Variants in ANKRD36C observed in about 807,000 individuals in gnomAD.
ANKRD36C encodes ankyrin repeat domain 36C, also known as ankyrin repeat domain-containing protein 36C.
Under a neutral mutation model 276.4 loss-of-function variants are expected in ANKRD36C, and 61 were observed. The ratio of observed to expected loss-of-function variants is 0.22; its 90% CI spans 0.18 to 0.27. ANKRD36C has a LOEUF of 0.27. Ranked by LOEUF, ANKRD36C falls within the 10% of genes least tolerant of loss-of-function variation. The pLI, the probability that ANKRD36C is intolerant of heterozygous loss-of-function variation, is 1.00. For missense variants in ANKRD36C, 1,447 were observed against 2,032.3 expected (o/e 0.71, Z 5.54); for synonymous variants, 483 against 680.1 (o/e 0.71, Z 4.51).
intron 8 of ANKRD36C, among the ~76,000 whole-genome samples, chr2:95,962,069 A>G (rs1453247342): frequency 6.6e-6 from 1 of 152,046 alleles, no homozygotes; most frequent in South Asian, 2.1e-4. Flanking sequence ...AACATGCTGT[A>G]GAATTAAAGT....
At chr2:95,982,319 A>C (rs776307696) in exon 4 of ANKRD36C, 1 of 1,550,626 alleles carries the variant, frequency 6.4e-7, no homozygotes, top group South Asian at 1.2e-5. Context: ...CACCATTTTC[A>C]CTTTTCTTTG....
chr2:95,902,217 T>C (rs1399237452), intron 42 of ANKRD36C, among the ~76,000 whole-genome samples: 1 of 149,578 alleles, frequency 6.7e-6, no homozygotes, highest in South Asian at 2.1e-4. Flanking sequence ...TGATGCCTCC[T>C]AGTAACCAAG....
chr2:95,991,709 A>G (rs754656401), exon 1 of ANKRD36C: 3 of 1,612,440 alleles, frequency 1.9e-6, no homozygotes, highest in Admixed American at 3.3e-5. Flanking sequence ...TGTCATCCAT[A>G]ATGGTCGGCT....
At chr2:95,924,469 T>C (rs966482768) in intron 30 of ANKRD36C, among the ~76,000 whole-genome samples, 13 of 151,644 alleles carry the variant, frequency 8.6e-5, no homozygotes, top group African/African-American at 3.1e-4. Flanking sequence ...CCAATATTCA[T>C]TGAAAATAAC....
chr2:95,850,716 C>T (rs199836867), downstream of ANKRD36C, among the ~76,000 whole-genome samples: 26 of 152,354 alleles, frequency 1.7e-4, no homozygotes, highest in East Asian at 4.6e-3. Context: ...AAGTCAATGA[C>T]TAGAGATTTA....
At chr2:95,896,465 T>C (rs959719746) in intron 44 of ANKRD36C, among the ~76,000 whole-genome samples, 10 of 149,858 alleles carry the variant, frequency 6.7e-5, no homozygotes, top group Admixed American at 6.0e-4. Context: ...TATCGTGTTA[T>C]TCTCTAAAGA....
intron 12 of ANKRD36C, among the ~76,000 whole-genome samples, chr2:95,957,915 C>T (rs1483476666): frequency 1.3e-5 from 2 of 151,708 alleles, no homozygotes; most frequent in Admixed American, 6.6e-5. Context: ...ACCTCTGATG[C>T]CCAGTAATAA....
At chr2:95,989,621 A>C (rs1300426889) in intron 1 of ANKRD36C, among the ~76,000 whole-genome samples, 1 of 152,104 alleles carries the variant, frequency 6.6e-6, no homozygotes, top group Non-Finnish European at 1.5e-5. Context: ...AGTGCTGAGA[A>C]AAACAAATTG....
chr2:95,916,698 C>A (rs943753601), intron 36 of ANKRD36C, among the ~76,000 whole-genome samples: 5 of 151,634 alleles, frequency 3.3e-5, no homozygotes, highest in Non-Finnish European at 7.4e-5. Flanking sequence ...AAATTGATCA[C>A]CTTGGATATC....
chr2:95,931,033 T>A (rs1017136093), intron 24 of ANKRD36C, among the ~76,000 whole-genome samples: 1 of 151,672 alleles, frequency 6.6e-6, no homozygotes, highest in Non-Finnish European at 1.5e-5. Context: ...CCTGCCCAAT[T>A]TGACATACAT....
At position 95,910,581 on chromosome 2, in the gene ANKRD36C, A is replaced by C. The variant is rs1405700640; in HGVS notation, c.2653+1663T>G. The C allele has an allele frequency of 6.2e-7, 1 of 1,605,168 alleles. No individual in the cohort carries two copies. The highest frequency in any genetic ancestry group is 1.3e-5 in the African/African-American group (1 of 74,538). On this transcript the variant is annotated intron_variant, in intron 42 of 66. Transcript: ENST00000456556. The stretch of plus-strand genomic sequence containing the variant: ...TTCTGAGAAGACACTGAAAAGCAAA[A>C]GGGATTCATAATCACTCATATGTAA...
intron 44 of ANKRD36C, among the ~76,000 whole-genome samples, chr2:95,897,691 G>T (rs1226959798): frequency 6.9e-6 from 1 of 144,342 alleles, no homozygotes; most frequent in African/African-American, 2.5e-5. Flanking sequence ...GGTATGATTT[G>T]TCATATGCCA....
chr2:95,964,091 G>C (rs1678537092), intron 6 of ANKRD36C, among the ~76,000 whole-genome samples: 1 of 128,108 alleles, frequency 7.8e-6, no homozygotes, highest in Non-Finnish European at 1.6e-5. Flanking sequence ...TTATTACTTT[G>C]TTTCTAAAGC....
chr2:95,985,734 G>A (rs1400569305), intron 3 of ANKRD36C, among the ~76,000 whole-genome samples: 1 of 152,094 alleles, frequency 6.6e-6, no homozygotes, highest in African/African-American at 2.4e-5. Flanking sequence ...TTTATCGTTT[G>A]GGATTTGGCT....
At chr2:95,887,840 T>G in intron 50 of ANKRD36C, 85 bp downstream of exon 70, 1 of 1,492,030 alleles carries the variant, frequency 6.7e-7, no homozygotes, top group South Asian at 1.2e-5. Context: ...GCAGTTTTGA[T>G]GAGCCCCGCA....
chr2:95,972,486 C>T (rs1678719609), intron 6 of ANKRD36C, among the ~76,000 whole-genome samples: 1 of 152,196 alleles, frequency 6.6e-6, no homozygotes, highest in South Asian at 2.1e-4. Flanking sequence ...CCAAGACTTG[C>T]CACATGCCCC....
At chr2:95,873,276 T>C (rs1010312180) in intron 59 of ANKRD36C, among the ~76,000 whole-genome samples, 1 of 152,056 alleles carries the variant, frequency 6.6e-6, no homozygotes, top group Non-Finnish European at 1.5e-5. Context: ...CGATAAAATA[T>C]GGGCAAACCA....
At chr2:95,987,570 G>A (rs1262194792) in intron 1 of ANKRD36C, among the ~76,000 whole-genome samples, 1 of 145,834 alleles carries the variant, frequency 6.9e-6, no homozygotes, top group Non-Finnish European at 1.5e-5. Context: ...ACAAATAACA[G>A]CTCAATAATT....
chr2:95,879,956 G>A (rs913638261), intron 58 of ANKRD36C, among the ~76,000 whole-genome samples: 4 of 141,958 alleles, frequency 2.8e-5, no homozygotes, highest in African/African-American at 1.1e-4. Flanking sequence ...CGAGGCGGGA[G>A]GATCACCTGA....
Sources: allele counts gnomAD v4.1 joint callset (sites outside exome capture counted in the v4.1 genomes callset), GRCh38; gene constraint gnomAD v4.1.1; transcripts MANE v1.5; gene names NCBI Gene and HGNC (gene_info 2026-07-23, HGNC 2026-07-21).